The following WDR44 variants were observed in gnomAD, a reference collection of about 807,000 sequenced individuals.
The protein encoded by WDR44 is WD repeat-containing protein 44.
In WDR44, 9 loss-of-function variants were observed where a neutral mutation model predicts 65.7. The ratio of observed to expected loss-of-function variants is 0.14; its 90% CI spans 0.08 to 0.24. WDR44 has a LOEUF of 0.24. Among genes scored for constraint, WDR44 ranks in the 10% least tolerant of loss-of-function variants. WDR44 has a pLI of 1.00. For synonymous variants in WDR44, 220 were observed against 235.2 expected (o/e 0.94, Z 0.59); for missense variants, 425 against 670.9 (o/e 0.63, Z 4.05).
intron 12 of WDR44, among the ~76,000 whole-genome samples, chrX:118,412,297 CT>C (rs1440258930): frequency 9.0e-6 from 1 of 111,511 alleles, no homozygotes; most frequent in Non-Finnish European, 1.9e-5. Flanking sequence ...TTTTAAATGA[CT>C]TTTTGTGATG....
intron 9 of WDR44, among the ~76,000 whole-genome samples, chrX:118,404,694 CGTTT>C (rs769510553): frequency 2.7e-5 from 3 of 111,528 alleles, no homozygotes; most frequent in Admixed American, 9.5e-5. Flanking sequence ...GAATTAGTTT[CGTTT>C]GTTTGTTTGT....
intron 10 of WDR44, among the ~76,000 whole-genome samples, chrX:118,408,265 G>T (rs1048858796): frequency 1.8e-5 from 2 of 111,084 alleles, no homozygotes; most frequent in African/African-American, 6.5e-5. Flanking sequence ...CTTTCTCCCT[G>T]CTCCTCCACC....
intron 8 of WDR44, among the ~76,000 whole-genome samples, chrX:118,400,453 C>A (rs1199179867): frequency 1.8e-5 from 2 of 111,871 alleles, no homozygotes; most frequent in African/African-American, 6.5e-5. Context: ...CTATTACCAT[C>A]TGAAATAATT....
chrX:118,421,541 G>A (rs1173858629), intron 12 of WDR44, among the ~76,000 whole-genome samples: 1 of 111,929 alleles, frequency 8.9e-6, no homozygotes, highest in African/African-American at 3.2e-5. Context: ...AAACACAATG[G>A]AGTTTATGTT....
rs375618528 is a variant in WDR44 at position 118,346,500 on chromosome X, A to G, written c.-4A>G. 70 of 1,205,346 alleles carry G rather than the reference A, an allele frequency of 5.8e-5. No individual in the cohort carries two copies. The highest frequency in any genetic ancestry group is 7.2e-5 in the Non-Finnish European group (64 of 892,755). ...GCCCCCTCACCCGCGGGTGTGTCCT[A>G]TAAATGGCGTCGGAAAGCGACACCG... On this transcript the variant is annotated 5_prime_UTR_variant, in exon 1 of 20. Coordinates refer to ENST00000254029, the MANE Select transcript of WDR44 (RefSeq NM_019045.5).
chrX:118,404,278 T>A (rs2056944090), intron 8 of WDR44, 60 bp from the exon 9 acceptor site: 1 of 855,397 alleles, frequency 1.2e-6, no homozygotes, highest in African/African-American at 2.0e-5. Flanking sequence ...GATACATTTG[T>A]CTGCAAATTA....
At chrX:118,389,718 C>CAA (rs1248530849) in intron 3 of WDR44, among the ~76,000 whole-genome samples, 5,334 of 34,401 alleles carry the variant, frequency 0.16, 373 homozygotes, top group Admixed American at 0.25. Flanking sequence ...GACTCCCTCT[C>CAA]AAAAAAAAAA....
intron 2 of WDR44, among the ~76,000 whole-genome samples, chrX:118,382,329 G>A (rs2056726237): frequency 8.9e-6 from 1 of 112,078 alleles, no homozygotes; most frequent in Non-Finnish European, 1.9e-5. Context: ...TGCAAAGAAA[G>A]CTGTCAAGAG....
intron 5 of WDR44, among the ~76,000 whole-genome samples, 168 bp downstream of exon 5, chrX:118,394,353 A>T (rs759156086): frequency 8.9e-6 from 1 of 111,793 alleles, no homozygotes; most frequent in Non-Finnish European, 1.9e-5. Flanking sequence ...GGGTGAGCCT[A>T]GCAAGCTGTT....
chrX:118,419,819 TA>T (rs1401549682), intron 12 of WDR44, among the ~76,000 whole-genome samples: 2 of 112,104 alleles, frequency 1.8e-5, no homozygotes, highest in Non-Finnish European at 3.8e-5. Flanking sequence ...TTATACCATT[TA>T]AACTTACTGT....
intron 12 of WDR44, among the ~76,000 whole-genome samples, chrX:118,413,188 T>C (rs963196275): frequency 8.9e-6 from 1 of 112,220 alleles, no homozygotes; most frequent in Non-Finnish European, 1.9e-5. Context: ...TAATGACTTC[T>C]TTTCCTCTGG....
intron 1 of WDR44, among the ~76,000 whole-genome samples, chrX:118,350,836 G>C (rs993708864): frequency 5.4e-5 from 6 of 111,303 alleles, no homozygotes; most frequent in African/African-American, 2.0e-4. Flanking sequence ...GAGTAGGAAG[G>C]GACTGGAGAT....
At chrX:118,369,456 C>T (rs34268222) in intron 1 of WDR44, among the ~76,000 whole-genome samples, 11,096 of 97,714 alleles carry the variant, frequency 0.11, 641 homozygotes, top group Admixed American at 0.25. Context: ...CAGGTGTGAG[C>T]CACCACGCCC....
intron 12 of WDR44, among the ~76,000 whole-genome samples, chrX:118,421,037 T>C (rs1218000919): frequency 9.0e-6 from 1 of 111,616 alleles, no homozygotes; most frequent in East Asian, 2.8e-4. Flanking sequence ...TTATTCCTAT[T>C]GTTCCCCTTA....
At chrX:118,370,063 A>T (rs1466588646) in intron 1 of WDR44, among the ~76,000 whole-genome samples, 1 of 112,033 alleles carries the variant, frequency 8.9e-6, no homozygotes, top group Non-Finnish European at 1.9e-5. Context: ...TGCAAAATCA[A>T]AATTTTGCTG....
chrX:118,407,835 C>T (rs1173601873), intron 10 of WDR44, among the ~76,000 whole-genome samples: 1 of 111,950 alleles, frequency 8.9e-6, no homozygotes, highest in Non-Finnish European at 1.9e-5. Context: ...ACAAAGAAGG[C>T]AGTGATAAAA....
Position 118,409,608 on chromosome X carries a change from A to G in WDR44, c.1653A>G (p.Arg551=). 8.3e-7 allele frequency: 1 copy of G among 1,197,682 alleles called. No homozygotes were observed. Among genetic ancestry groups the G allele is most frequent in the African/African-American group, 1.8e-5 (1 of 57,110 alleles). Residue 551 remains arginine (R), a synonymous_variant, in exon 11 of 20, where the codon CGA becomes CGG. Transcript: ENST00000254029. ...CTTTTGACTATTTCAACAATATGCG[A>G]ATGAAATACAATACTGAAGGTATTT... is the stretch of plus-strand genomic sequence containing the variant. ...KNAFDYFNNM[R]MKYNTEGRVS...
intron 12 of WDR44, among the ~76,000 whole-genome samples, chrX:118,416,994 A>G (rs187349799): frequency 8.9e-6 from 1 of 111,909 alleles, no homozygotes; most frequent in Admixed American, 9.5e-5. Context: ...TTTGTCTGAT[A>G]TAAGAATAGC....
chrX:118,355,139 A>AT (rs1416417188), intron 1 of WDR44, among the ~76,000 whole-genome samples: 2 of 111,878 alleles, frequency 1.8e-5, no homozygotes, highest in African/African-American at 6.5e-5. Context: ...CTTTTAAAAT[A>AT]TATTACCTAT....
Sources: gnomAD v4.1 joint callset for allele counts (sites outside exome capture counted in the v4.1 genomes callset) on GRCh38, gnomAD v4.1.1 for gene constraint, MANE v1.5 for transcripts, NCBI Gene and HGNC (gene_info 2026-07-23, HGNC 2026-07-21) for gene names.